CACNA2D1: variants seen among roughly 807,000 people sequenced by gnomAD.
CACNA2D1 encodes calcium voltage-gated channel auxiliary subunit alpha2delta 1, also known as voltage-dependent calcium channel subunit alpha-2/delta-1.
Under a neutral mutation model 171.5 loss-of-function variants are expected in CACNA2D1, and 53 were observed. That is an observed-to-expected ratio of 0.31 (90% CI 0.25 to 0.39). The LOEUF (loss-of-function observed/expected upper bound fraction) is 0.39, where lower values mean the gene tolerates loss of function less well. CACNA2D1 is among the 10% of genes least tolerant of loss of function. The pLI, the probability that CACNA2D1 is intolerant of heterozygous loss-of-function variation, is 1.00. For missense variants in CACNA2D1, 903 were observed against 1,299.8 expected (o/e 0.69, Z 4.69); for synonymous variants, 442 against 443.1 (o/e 1.00, Z 0.03).
At chr7:82,094,095 T>TTGGG (rs887864189) in intron 6 of CACNA2D1, among the ~76,000 whole-genome samples, 4 of 152,174 alleles carry the variant, frequency 2.6e-5, no homozygotes, top group Non-Finnish European at 5.9e-5. Flanking sequence ...ACTCAAGGGT[T>TTGGG]TGTGTCAACC....
chr7:82,216,016 A>G (rs1801060503), intron 3 of CACNA2D1, among the ~76,000 whole-genome samples: 1 of 152,180 alleles, frequency 6.6e-6, no homozygotes, highest in Non-Finnish European at 1.5e-5. Flanking sequence ...TAACTAGTCA[A>G]AAATCATTTT....
intron 4 of CACNA2D1, among the ~76,000 whole-genome samples, chr7:82,144,994 C>T (rs1792814276): frequency 6.6e-6 from 1 of 151,690 alleles, no homozygotes; most frequent in Non-Finnish European, 1.5e-5. Context: ...TGTACACATG[C>T]TCAGCCTGAT....
chr7:82,156,425 T>A (rs1379664074), intron 4 of CACNA2D1, among the ~76,000 whole-genome samples: 3 of 152,130 alleles, frequency 2.0e-5, no homozygotes, highest in Admixed American at 2.0e-4. Flanking sequence ...TAGATCAGTC[T>A]TTTCCAAGGG....
intron 3 of CACNA2D1, among the ~76,000 whole-genome samples, chr7:82,299,295 CATT>C (rs1438098617): frequency 6.6e-6 from 1 of 151,870 alleles, no homozygotes; most frequent in Non-Finnish European, 1.5e-5. Flanking sequence ...TTTACTTTCT[CATT>C]ATTGTTTTGG....
intron 12 of CACNA2D1, among the ~76,000 whole-genome samples, chr7:82,020,247 A>G (rs527677506): frequency 6.6e-6 from 1 of 152,292 alleles, no homozygotes; most frequent in East Asian, 1.9e-4. Flanking sequence ...TGATTAGCAT[A>G]GCCACAGAGC....
chr7:82,157,032 C>G (rs1244281877), intron 4 of CACNA2D1, among the ~76,000 whole-genome samples: 1 of 152,118 alleles, frequency 6.6e-6, no homozygotes, highest in African/African-American at 2.4e-5. Flanking sequence ...GAGGATACGG[C>G]TCCATGGCTC....
intron 10 of CACNA2D1, among the ~76,000 whole-genome samples, chr7:82,053,060 G>T (rs1381524264): frequency 3.9e-5 from 6 of 152,000 alleles, no homozygotes; most frequent in Non-Finnish European, 8.8e-5. Flanking sequence ...AGACCATCCT[G>T]GCTAAGAGGG....
chr7:81,983,835 CTG>C (rs1796680319), intron 22 of CACNA2D1, among the ~76,000 whole-genome samples: 1 of 152,178 alleles, frequency 6.6e-6, no homozygotes, highest in Admixed American at 6.6e-5. Context: ...ATGAAAGAAA[CTG>C]TAGCTTACTT....
intron 6 of CACNA2D1, among the ~76,000 whole-genome samples, chr7:82,100,048 TACCCTGGA>T: frequency 6.6e-6 from 1 of 152,044 alleles, no homozygotes; most frequent in Admixed American, 6.6e-5. Context: ...CCTGCACATG[TACCCTGGA>T]ACTTAAAAAA....
intron 7 of CACNA2D1, among the ~76,000 whole-genome samples, chr7:82,071,840 T>C (rs999901066): frequency 2.6e-5 from 4 of 152,174 alleles, no homozygotes; most frequent in African/African-American, 9.6e-5. Context: ...GATATATGCA[T>C]GACTCTTCAA....
At chr7:82,026,670 G>A (rs1285742635) in intron 12 of CACNA2D1, among the ~76,000 whole-genome samples, 5 of 151,604 alleles carry the variant, frequency 3.3e-5, no homozygotes, top group Non-Finnish European at 5.9e-5. Context: ...GCTGCAGATC[G>A]CTCACACAGG....
chr7:82,393,111 C>CAGGCAGGG (rs1563483495), intron 1 of CACNA2D1, among the ~76,000 whole-genome samples: 69 of 86,896 alleles, frequency 7.9e-4, no homozygotes, highest in Middle Eastern at 6.4e-3. Flanking sequence ...GGCAGGCAGG[C>CAGGCAGGG]AGGGAGGGAG....
intron 14 of CACNA2D1, among the ~76,000 whole-genome samples, chr7:82,012,561 A>C (rs1799927525): frequency 1.3e-5 from 2 of 152,112 alleles, no homozygotes; most frequent in African/African-American, 4.8e-5. Flanking sequence ...GTTTCATGTT[A>C]ATCTAAACTA....
At chr7:82,210,545 G>T (rs556789468) in intron 3 of CACNA2D1, among the ~76,000 whole-genome samples, 1 of 152,240 alleles carries the variant, frequency 6.6e-6, no homozygotes, top group African/African-American at 2.4e-5. Flanking sequence ...TTATTGGATG[G>T]GTGTGTGCAG....
At chr7:82,269,473 C>A (rs2129346695) in intron 3 of CACNA2D1, among the ~76,000 whole-genome samples, 1 of 152,188 alleles carries the variant, frequency 6.6e-6, no homozygotes, top group Non-Finnish European at 1.5e-5. Context: ...CATTGTGTAC[C>A]ACCCGAAATT....
intron 4 of CACNA2D1, among the ~76,000 whole-genome samples, chr7:82,141,334 A>G (rs912668563): frequency 6.6e-6 from 1 of 152,116 alleles, no homozygotes; most frequent in Non-Finnish European, 1.5e-5. Context: ...GTTTTACTTA[A>G]AATGAATTCT....
rs111626659 is a variant in CACNA2D1, at chr7:82,321,350, G to A, written c.294+13785C>T. Among the ~76,000 whole-genome samples the A allele has an allele frequency of 7.0e-3, 1,060 of 152,200 alleles. 15 individuals are homozygous for A. Among genetic ancestry groups the A allele is most frequent in the African/African-American group, 0.025 (1,023 of 41,512 alleles). ...GGAGGTGGAGGTTGCAGTGGGCCGA[G>A]ATGGCACCATTTCACTCCAGCCTGG... On this transcript the variant is annotated intron_variant, in intron 3 of 38. Transcript: ENST00000356860.
chr7:82,030,051 A>G (rs1376326386), intron 12 of CACNA2D1: 1 of 151,880 alleles, frequency 6.6e-6, no homozygotes, highest in Non-Finnish European at 1.5e-5. Context: ...TTAGTTTTAT[A>G]AAAGTACATG....
At chr7:82,373,194 T>C (rs141004052) in intron 1 of CACNA2D1, among the ~76,000 whole-genome samples, 7 of 152,148 alleles carry the variant, frequency 4.6e-5, no homozygotes, top group East Asian at 1.9e-4. Flanking sequence ...AAAAAAAAAA[T>C]TGAGTATTGA....
Sources: allele counts gnomAD v4.1 joint callset (sites outside exome capture counted in the v4.1 genomes callset), GRCh38; gene constraint gnomAD v4.1.1; transcripts MANE v1.5; gene names NCBI Gene and HGNC (gene_info 2026-07-23, HGNC 2026-07-21).